Variants in ADCK1 observed in about 807,000 individuals in gnomAD.
ADCK1 encodes the protein aarF domain-containing protein kinase 1.
In ADCK1, 41 loss-of-function variants were observed where a neutral mutation model predicts 52.3. The ratio of observed to expected loss-of-function variants is 0.78; its 90% confidence interval spans 0.61 to 1.02. ADCK1 has a LOEUF of 1.02. ADCK1 is among the 50% of genes least tolerant of loss of function. The probability of loss-of-function intolerance (pLI) is 0.00; values close to 1 mark genes in which losing one functional copy is unlikely to be tolerated. For missense variants in ADCK1, 658 were observed against 679.5 expected (o/e 0.97, Z 0.35); for synonymous variants, 250 against 274.6 (o/e 0.91, Z 0.89).
intron 3 of ADCK1, among the ~76,000 whole-genome samples, chr14:77,826,999 C>G (rs149777030): frequency 6.6e-6 from 1 of 152,240 alleles, no homozygotes; most frequent in African/African-American, 2.4e-5. Flanking sequence ...GAGCTGTTGG[C>G]AGCCATCTTT....
intron 1 of ADCK1, among the ~76,000 whole-genome samples, chr14:77,813,767 GT>G (rs539507254): frequency 2.0e-5 from 3 of 146,664 alleles, no homozygotes; most frequent in African/African-American, 5.0e-5. Flanking sequence ...TTGTTTTCCT[GT>G]TTTTTTTTTG....
intron 4 of ADCK1, among the ~76,000 whole-genome samples, chr14:77,869,590 T>C (rs1486060420): frequency 6.6e-6 from 1 of 152,172 alleles, no homozygotes; most frequent in African/African-American, 2.4e-5. Context: ...ATATGAATAT[T>C]TATGGAGCAC....
intron 1 of ADCK1, among the ~76,000 whole-genome samples, chr14:77,808,239 G>A (rs967109256): frequency 3.3e-5 from 5 of 152,158 alleles, no homozygotes; most frequent in Non-Finnish European, 7.3e-5. Flanking sequence ...CTCATGGGGA[G>A]TTCTAATTGG....
At position 77,921,665 on chromosome 14, in the gene ADCK1, A is replaced by C. The variant is rs2084064844; in HGVS notation, c.859-2792A>C. ...ACATTAGGAACAGTCCCAAATGGAA[A>C]GATAGAGTTGGAGGCAGGTGGATTG... On this transcript the variant is annotated intron_variant, in intron 7 of 10. Coordinates refer to ENST00000238561, the MANE Select transcript of ADCK1 (RefSeq NM_020421.4). Among the ~76,000 whole-genome samples, 6 of 152,282 alleles carry C rather than the reference A, an allele frequency of 3.9e-5. 1 individual carries two copies. The South Asian group carries it at 1.2e-3, about 32-fold the overall frequency.
chr14:77,806,907 G>A (rs1374737439), intron 1 of ADCK1, among the ~76,000 whole-genome samples: 1 of 151,962 alleles, frequency 6.6e-6, no homozygotes, highest in Non-Finnish European at 1.5e-5. Flanking sequence ...GAGAGATGGT[G>A]TTTCACCATG....
At position 77,881,415 on chromosome 14, in the gene ADCK1, C is replaced by G. The variant is rs193036415; in HGVS notation, c.424-5676C>G. Among the ~76,000 whole-genome samples the G allele has an allele frequency of 1.1e-3, 166 of 152,348 alleles. 1 individual carries two copies. The highest frequency in any genetic ancestry group is 1.2e-3 in the Admixed American group (18 of 15,306). ...CTAGGTCTTGGAAGTCCCATGCTAT[C>G]GCTTCTTCCATGTGTTCTTTGTTGG... On this transcript the variant is annotated intron_variant, in intron 4 of 10. Coordinates refer to ENST00000238561, the MANE Select transcript of ADCK1 (RefSeq NM_020421.4).
intron 3 of ADCK1, among the ~76,000 whole-genome samples, chr14:77,858,324 G>A (rs1273658315): frequency 2.6e-5 from 4 of 151,836 alleles, no homozygotes; most frequent in African/African-American, 7.3e-5. Flanking sequence ...TGCAACCTCC[G>A]CCTCCTGGGT....
chr14:77,853,400 G>A (rs2082354184), intron 3 of ADCK1, among the ~76,000 whole-genome samples: 1 of 152,164 alleles, frequency 6.6e-6, no homozygotes, highest in Non-Finnish European at 1.5e-5. Flanking sequence ...GATTACAGGT[G>A]TGAGCCACTG....
At position 77,829,133 on chromosome 14, in the gene ADCK1, G is replaced by A. The variant is rs1028289305; in HGVS notation, c.219+6615G>A. ...CCAAGGAGCCCTGGTTCCTGTTACT[G>A]GAGAATGGTATTTAGAAACCAAGTT... On this transcript the variant is annotated intron_variant, in intron 3 of 10. Coordinates refer to ENST00000238561, the MANE Select transcript of ADCK1 (RefSeq NM_020421.4). Among the ~76,000 whole-genome samples the A allele has an allele frequency of 8.6e-5, 13 of 151,046 alleles. 2 individuals are homozygous for A. The highest frequency in any genetic ancestry group is 1.9e-4 in the Non-Finnish European group (13 of 67,554).
At chr14:77,918,427 A>G (rs1270098348) in intron 7 of ADCK1, among the ~76,000 whole-genome samples, 1 of 152,210 alleles carries the variant, frequency 6.6e-6, no homozygotes, top group Non-Finnish European at 1.5e-5. Flanking sequence ...TGTGTCTATC[A>G]TGCCCCATTC....
intron 1 of ADCK1, among the ~76,000 whole-genome samples, chr14:77,811,903 A>G (rs2081345540): frequency 6.6e-6 from 1 of 152,226 alleles, no homozygotes. Context: ...GGACAGGGAA[A>G]TTTTCATAAA....
chr14:77,890,221 G>C (rs1213923377), intron 5 of ADCK1, among the ~76,000 whole-genome samples: 1 of 152,236 alleles, frequency 6.6e-6, no homozygotes, highest in Non-Finnish European at 1.5e-5. Flanking sequence ...TCTAGCTGGA[G>C]TAGCTTGACT....
intron 4 of ADCK1, among the ~76,000 whole-genome samples, chr14:77,878,491 C>T (rs1260860216): frequency 5.3e-5 from 8 of 152,196 alleles, no homozygotes; most frequent in Non-Finnish European, 4.4e-5. Context: ...TGGGTTCTCA[C>T]GTGGGCAGGC....
intron 3 of ADCK1, among the ~76,000 whole-genome samples, chr14:77,838,526 A>G (rs10146621): frequency 0.11 from 16,304 of 152,042 alleles, 967 homozygotes; most frequent in Middle Eastern, 0.14. Flanking sequence ...CCTCCCAGGT[A>G]CCTGGGAATA....
chr14:77,858,957 T>C (rs10146144), intron 3 of ADCK1, 119 bp from the exon 4 acceptor site: 801,613 of 933,918 alleles, frequency 0.86, 344,908 homozygotes, highest in Middle Eastern at 0.92. Flanking sequence ...TGTGCATGCA[T>C]CTGCCCTGGG....
chr14:77,920,479 C>A (rs1353117742), intron 7 of ADCK1, among the ~76,000 whole-genome samples: 1 of 152,058 alleles, frequency 6.6e-6, no homozygotes, highest in Non-Finnish European at 1.5e-5. Context: ...ATACCAGTAC[C>A]ATGCTGTTTT....
At chr14:77,858,268 C>T (rs768407452) in intron 3 of ADCK1, among the ~76,000 whole-genome samples, 32 of 152,266 alleles carry the variant, frequency 2.1e-4, no homozygotes, top group Admixed American at 3.3e-4. Context: ...GACAGAGTCT[C>T]GCTCTGTTGC....
At chr14:77,878,569 G>A (rs1035904425) in intron 4 of ADCK1, among the ~76,000 whole-genome samples, 1 of 152,222 alleles carries the variant, frequency 6.6e-6, no homozygotes, top group Admixed American at 6.5e-5. Flanking sequence ...TCTCAACTGT[G>A]GTGGGGCATA....
At chr14:77,887,379 C>A in intron 5 of ADCK1, 130 bp downstream of exon 5, 1 of 1,074,610 alleles carries the variant, frequency 9.3e-7, no homozygotes, top group Non-Finnish European at 1.3e-6. Context: ...GAGAGGAGAG[C>A]TGAGATTACG....
Sources: gnomAD v4.1 joint callset for allele counts (sites outside exome capture counted in the v4.1 genomes callset) on GRCh38, gnomAD v4.1.1 for gene constraint, MANE v1.5 for transcripts, NCBI Gene and HGNC (gene_info 2026-07-23, HGNC 2026-07-21) for gene names.